The following ROBO1 variants were observed in gnomAD, a reference collection of about 807,000 sequenced individuals.
ROBO1 encodes the protein roundabout guidance receptor 1.
ROBO1 carries 149 observed loss-of-function variants against 195.9 expected under a neutral mutation model. The ratio of observed to expected loss-of-function variants is 0.76; its 90% CI spans 0.67 to 0.87. The LOEUF is 0.87. Among genes scored for constraint, ROBO1 ranks in the 40% least tolerant of loss-of-function variants. The pLI, the probability that ROBO1 is intolerant of heterozygous loss-of-function variation, is 0.00. For missense variants in ROBO1, 1,933 were observed against 2,068.3 expected, an observed-to-expected ratio of 0.93 and a Z score of 1.27; for synonymous variants, 816 against 733.2, an observed-to-expected ratio of 1.11 and a Z score of -1.82.
chr3:78,668,917 A>G (rs1707893948), intron 11 of ROBO1, among the ~76,000 whole-genome samples: 1 of 152,166 alleles, frequency 6.6e-6, no homozygotes, highest in Admixed American at 6.6e-5. Context: ...ATGTTTAATA[A>G]GTTATATAAT....
chr3:79,295,802 A>C (rs1225984330), intron 2 of ROBO1, among the ~76,000 whole-genome samples: 1 of 152,196 alleles, frequency 6.6e-6, no homozygotes, highest in African/African-American at 2.4e-5. Context: ...AGAAAAAAGA[A>C]AAACAGCCAG....
At chr3:79,009,108 T>TA (rs1491544781) in intron 3 of ROBO1, among the ~76,000 whole-genome samples, 1 of 114,786 alleles carries the variant, frequency 8.7e-6, no homozygotes, top group Non-Finnish European at 1.7e-5. Flanking sequence ...GCCCAGCTAA[T>TA]TTTTTTTTTT....
At chr3:79,092,905 C>A (rs1013676875) in intron 3 of ROBO1, among the ~76,000 whole-genome samples, 13 of 152,200 alleles carry the variant, frequency 8.5e-5, no homozygotes, top group African/African-American at 2.9e-4. Context: ...TTGATTCATT[C>A]TTTAGCTGTA....
intron 2 of ROBO1, among the ~76,000 whole-genome samples, chr3:79,480,205 C>T (rs781138562): frequency 3.9e-5 from 6 of 152,092 alleles, no homozygotes; most frequent in Admixed American, 6.6e-5. Flanking sequence ...AGAAACATTA[C>T]AAATATTGAA....
At chr3:78,728,262 G>A (rs937934971) in intron 5 of ROBO1, among the ~76,000 whole-genome samples, 2 of 152,004 alleles carry the variant, frequency 1.3e-5, no homozygotes, top group African/African-American at 4.8e-5. Context: ...TTTCCCACTC[G>A]AGTCTCTTGA....
At chr3:79,722,152 A>C (rs965298921) in intron 1 of ROBO1, among the ~76,000 whole-genome samples, 1 of 150,702 alleles carries the variant, frequency 6.6e-6, no homozygotes, top group Non-Finnish European at 1.5e-5. Context: ...TAAGGAAACT[A>C]AATAATATTT....
At chr3:78,915,235 C>A (rs1012082385) in intron 4 of ROBO1, among the ~76,000 whole-genome samples, 1 of 152,172 alleles carries the variant, frequency 6.6e-6, no homozygotes, top group South Asian at 2.1e-4. Context: ...ATTATGAAGG[C>A]ACCTAATAGT....
chr3:78,719,555 CATA>C (rs2081992032), intron 5 of ROBO1, among the ~76,000 whole-genome samples: 2 of 152,010 alleles, frequency 1.3e-5, no homozygotes, highest in South Asian at 2.1e-4. Flanking sequence ...TATACATACA[CATA>C]ATTTTTCTAA....
chr3:78,633,003 C>T (rs1705271718), intron 24 of ROBO1, among the ~76,000 whole-genome samples: 1 of 152,134 alleles, frequency 6.6e-6, no homozygotes, highest in African/African-American at 2.4e-5. Flanking sequence ...TTCTAAGCTC[C>T]CTTAATTCCA....
intron 2 of ROBO1, among the ~76,000 whole-genome samples, chr3:79,213,215 A>G (rs1452396382): frequency 6.6e-6 from 1 of 152,130 alleles, no homozygotes; most frequent in Non-Finnish European, 1.5e-5. Flanking sequence ...ACTGCACTCC[A>G]GCCTGTATGA....
chr3:79,021,646 AGAT>A (rs1225539059), intron 3 of ROBO1, among the ~76,000 whole-genome samples: 1 of 126,078 alleles, frequency 7.9e-6, no homozygotes. Flanking sequence ...CCACTCCTAG[AGAT>A]GATTTTTTTT....
At chr3:79,545,980 G>A (rs991064205) in intron 2 of ROBO1, among the ~76,000 whole-genome samples, 1 of 151,980 alleles carries the variant, frequency 6.6e-6, no homozygotes, top group Non-Finnish European at 1.5e-5. Flanking sequence ...ATCCTTGAGA[G>A]AGCAAGACCA....
At chr3:78,874,908 T>C (rs2035753202) in intron 4 of ROBO1, among the ~76,000 whole-genome samples, 1 of 151,960 alleles carries the variant, frequency 6.6e-6, no homozygotes, top group African/African-American at 2.4e-5. Context: ...TTCAAATAAA[T>C]AATCTTATAT....
intron 2 of ROBO1, among the ~76,000 whole-genome samples, chr3:79,230,287 C>T (rs1347193214): frequency 6.6e-6 from 1 of 152,106 alleles, no homozygotes. Context: ...ATCATAATAA[C>T]ATAACATAAT....
At chr3:79,559,584 A>AC (rs1337448141) in intron 2 of ROBO1, among the ~76,000 whole-genome samples, 1 of 152,168 alleles carries the variant, frequency 6.6e-6, no homozygotes, top group Non-Finnish European at 1.5e-5. Flanking sequence ...CACTATTAAC[A>AC]CACTTGTCAA....
At chr3:79,013,048 C>A (rs536336899) in intron 3 of ROBO1, among the ~76,000 whole-genome samples, 1 of 152,096 alleles carries the variant, frequency 6.6e-6, no homozygotes, top group South Asian at 2.1e-4. Context: ...AGGCTCAACC[C>A]TTCCATGATC....
chr3:79,086,434 G>C (rs1426007934), intron 3 of ROBO1, among the ~76,000 whole-genome samples: 1 of 152,122 alleles, frequency 6.6e-6, no homozygotes, highest in Non-Finnish European at 1.5e-5. Context: ...ATGATTACTA[G>C]AGTATATATT....
At chr3:79,502,169 C>A (rs920249997) in intron 2 of ROBO1, among the ~76,000 whole-genome samples, 1 of 152,222 alleles carries the variant, frequency 6.6e-6, no homozygotes, top group African/African-American at 2.4e-5. Flanking sequence ...CTTGAGGAAC[C>A]CTTCAGCCCG....
At chr3:79,033,973 C>T (rs890876966) in intron 3 of ROBO1, among the ~76,000 whole-genome samples, 1 of 152,096 alleles carries the variant, frequency 6.6e-6, no homozygotes, top group Non-Finnish European at 1.5e-5. Flanking sequence ...TATGGCTTCC[C>T]TGCCAAAACA....
Sources: gnomAD v4.1 joint callset for allele counts (sites outside exome capture counted in the v4.1 genomes callset) on GRCh38, gnomAD v4.1.1 for gene constraint, MANE v1.5 for transcripts, NCBI Gene and HGNC (gene_info 2026-07-23, HGNC 2026-07-21) for gene names.